OXSR1: variants seen among roughly 807,000 people sequenced by gnomAD.
OXSR1 encodes serine/threonine-protein kinase OSR1.
OXSR1 carries 24 observed loss-of-function variants against 79.8 expected under a neutral mutation model. The ratio of observed to expected loss-of-function variants is 0.30; its 90% CI spans 0.22 to 0.42. The LOEUF (loss-of-function observed/expected upper bound fraction) is 0.42. OXSR1 is among the 10% of genes least tolerant of loss of function. The probability of loss-of-function intolerance (pLI) is 1.00; values close to 1 mark genes in which losing one functional copy is unlikely to be tolerated. For synonymous variants in OXSR1, 226 were observed against 209.2 expected, an observed-to-expected ratio of 1.08 and a Z score of -0.69; for missense variants, 430 against 618.4, an observed-to-expected ratio of 0.70 and a Z score of 3.23.
intron 4 of OXSR1, among the ~76,000 whole-genome samples, chr3:38,212,032 A>G (rs918997144): frequency 2.6e-5 from 4 of 152,188 alleles, no homozygotes; most frequent in African/African-American, 9.7e-5. Context: ...GGAATATGGG[A>G]AGCTTTAAGA....
At chr3:38,221,868 C>A (rs1325817630) in intron 6 of OXSR1, among the ~76,000 whole-genome samples, 181 bp downstream of exon 6, 1 of 152,112 alleles carries the variant, frequency 6.6e-6, no homozygotes, top group East Asian at 1.9e-4. Flanking sequence ...TAGAACTTTG[C>A]AAAGGATATA....
chr3:38,190,676 A>C (rs1230204896), intron 2 of OXSR1, 55 bp from the exon 3 acceptor site: 1 of 1,009,986 alleles, frequency 9.9e-7, no homozygotes, highest in Non-Finnish European at 1.6e-6. Flanking sequence ...GCTAACTCAC[A>C]ACATTTGTTT....
rs1702405701 is a variant in OXSR1 at position 38,212,404 on chromosome 3, G to T, written c.435-3692G>T. 2.0e-5 allele frequency among the ~76,000 whole-genome samples: 3 copies of T among 152,186 alleles called. No individual in the cohort carries two copies. In the South Asian group the frequency reaches 6.2e-4, roughly 32 times the overall value. ...TCTAGGATTTAGAGGTTTTGAGTAGGATGAATGGGTCTCTAAATCAGACTT... is the reference window on the plus strand; with the variant it reads ...TCTAGGATTTAGAGGTTTTGAGTAGTATGAATGGGTCTCTAAATCAGACTT... On this transcript the variant is annotated intron_variant, in intron 4 of 17. Transcript: ENST00000311806.
At chr3:38,213,803 C>T (rs1363334067) in intron 4 of OXSR1, among the ~76,000 whole-genome samples, 1 of 152,068 alleles carries the variant, frequency 6.6e-6, no homozygotes, top group East Asian at 1.9e-4. Flanking sequence ...TCTTGTGACT[C>T]CTTTGAGAGA....
rs143814842 is a variant in OXSR1, at chr3:38,167,613, G to C, written c.70+1667G>C. On this transcript the variant is annotated intron_variant, in intron 1 of 17. Coordinates refer to ENST00000311806, the MANE Select transcript of OXSR1 (RefSeq NM_005109.3). The stretch of plus-strand genomic sequence containing the variant: ...GACAATCTGGGCTTAAAGCAATATT[G>C]GTTCGTATAGGAAAAACAAAAACAA... 4.1e-3 allele frequency among the ~76,000 whole-genome samples: 626 copies of C among 152,260 alleles called. 2 individuals carry two copies. The highest frequency in any genetic ancestry group is 0.031 in the Middle Eastern group (9 of 294).
rs572919464 is a variant in OXSR1, at chr3:38,190,438, G to A, written c.184-293G>A. On this transcript the variant is annotated intron_variant, in intron 2 of 17. Coordinates refer to ENST00000311806, the MANE Select transcript of OXSR1 (RefSeq NM_005109.3). ...GATGGTTCTTCAAGGGCACCTTGAAGCAAAAATATATGTCCCAAAGGAGGC... is the reference window on the plus strand; with the variant it reads ...GATGGTTCTTCAAGGGCACCTTGAAACAAAAATATATGTCCCAAAGGAGGC... Among the ~76,000 whole-genome samples the A allele has an allele frequency of 2.6e-5, 4 of 152,282 alleles. No homozygotes were observed. In the South Asian group the frequency reaches 8.3e-4, roughly 32 times the overall value.
chr3:38,217,190 T>C (rs1193003544), intron 5 of OXSR1, among the ~76,000 whole-genome samples: 2 of 152,228 alleles, frequency 1.3e-5, no homozygotes, highest in Non-Finnish European at 2.9e-5. Context: ...ACTAGTAATT[T>C]GTTAAATGCA....
chr3:38,246,163 C>T lies in OXSR1; in HGVS notation c.1199C>T (p.Ala400Val), dbSNP rs1206207661. ...AHLPQPAGQI[A>V]TQPTQVSLPP... ...CTACCTCAGCCAGCTGGGCAGATTGCTACACAGCCAACTCAAGTCTCTCTC... is the reference window on the plus strand; with the variant it reads ...CTACCTCAGCCAGCTGGGCAGATTGTTACACAGCCAACTCAAGTCTCTCTC... Residue 400 changes from alanine to valine, a missense_variant, in exon 13 of 18, where the codon GCT (alanine) becomes GTT (valine). Transcript: ENST00000311806. The T allele has an allele frequency of 6.2e-6, 10 of 1,613,850 alleles. No individual in the cohort carries two copies. Among genetic ancestry groups the T allele is most frequent in the Non-Finnish European group, 8.5e-6 (10 of 1,179,834 alleles).
intron 10 of OXSR1, chr3:38,236,530 C>CT (rs1023244592): frequency 0.039 from 6,501 of 165,630 alleles, 77 homozygotes; most frequent in Non-Finnish European, 0.052. Flanking sequence ...CCCAAAACCT[C>CT]TTTTTTTTTT....
intron 4 of OXSR1, among the ~76,000 whole-genome samples, chr3:38,209,665 C>T (rs545850759): frequency 2.0e-4 from 29 of 146,212 alleles, no homozygotes; most frequent in Non-Finnish European, 4.0e-4. Context: ...GACGGAGTCT[C>T]GCTCTGTCGC....
rs1418952583 is a variant in OXSR1 at position 38,166,659 on chromosome 3, TGC to T, written c.70+718_70+719del. On this transcript the variant is annotated intron_variant, in intron 1 of 17. Coordinates refer to ENST00000311806, the MANE Select transcript of OXSR1 (RefSeq NM_005109.3). ...TACAAAAATTAGTTGGGTGTGGTGG[TGC>T]GCGCCTGTAATCCCAGCTACTCGGG... Among the ~76,000 whole-genome samples, 5 of 151,754 alleles carry T rather than the reference TGC, an allele frequency of 3.3e-5. No individual in the cohort carries two copies. The South Asian group carries it at 1.0e-3, about 32-fold the overall frequency.
intron 10 of OXSR1, among the ~76,000 whole-genome samples, chr3:38,231,920 A>T (rs1345130503): frequency 2.6e-5 from 4 of 152,132 alleles, no homozygotes; most frequent in Non-Finnish European, 2.9e-5. Flanking sequence ...CAGCCTGGCC[A>T]ACATGGTGAA....
chr3:38,177,055 A>G (rs1304305718), intron 1 of OXSR1, among the ~76,000 whole-genome samples: 1 of 152,258 alleles, frequency 6.6e-6, no homozygotes, highest in African/African-American at 2.4e-5. Context: ...TGGATAGTAC[A>G]TTTGTAAAAA....
chr3:38,168,652 C>T (rs1701514405), intron 1 of OXSR1, among the ~76,000 whole-genome samples: 1 of 152,188 alleles, frequency 6.6e-6, no homozygotes, highest in Non-Finnish European at 1.5e-5. Context: ...AAAGATGCCT[C>T]ATGTCCATTT....
At chr3:38,244,637 C>CTGTGTGTGTGTG (rs112035003) in intron 12 of OXSR1, among the ~76,000 whole-genome samples, 14,776 of 99,242 alleles carry the variant, frequency 0.15, 1,090 homozygotes, top group African/African-American at 0.23. Flanking sequence ...TAATATTCCT[C>CTGTGTGTGTGTG]TGTGTGTGTG....
intron 10 of OXSR1, among the ~76,000 whole-genome samples, chr3:38,234,814 CCAAAAAGTGTAA>C (rs551079904): frequency 6.6e-6 from 1 of 152,290 alleles, no homozygotes; most frequent in South Asian, 2.1e-4. Flanking sequence ...TTCGTAATAA[CCAAAAAGTGTAA>C]ACAACCCACA....
At chr3:38,245,003 T>A (rs2125852798) in intron 12 of OXSR1, among the ~76,000 whole-genome samples, 1 of 152,284 alleles carries the variant, frequency 6.6e-6, no homozygotes, top group Non-Finnish European at 1.5e-5. Context: ...GTACATACAA[T>A]TTGGAAGCTA....
At chr3:38,181,147 C>A (rs1046718427) in intron 1 of OXSR1, among the ~76,000 whole-genome samples, 1 of 146,822 alleles carries the variant, frequency 6.8e-6, no homozygotes, top group Non-Finnish European at 1.5e-5. Flanking sequence ...TCTGTTTTCT[C>A]TCTGTTGTTT....
intron 1 of OXSR1, among the ~76,000 whole-genome samples, chr3:38,180,463 C>T (rs1489423981): frequency 1.3e-5 from 2 of 151,462 alleles, no homozygotes; most frequent in African/African-American, 4.9e-5. Flanking sequence ...TTTCATAATG[C>T]AAACAGTGTT....
Sources: allele counts gnomAD v4.1 joint callset (sites outside exome capture counted in the v4.1 genomes callset), GRCh38; gene constraint gnomAD v4.1.1; transcripts MANE v1.5; gene names NCBI Gene and HGNC (gene_info 2026-07-23, HGNC 2026-07-21).